RBFOX1: variants seen among roughly 807,000 people sequenced by gnomAD.
RBFOX1 encodes RNA binding protein fox-1 homolog 1.
RBFOX1 carries 8 observed loss-of-function variants against 57.7 expected under a neutral mutation model. The ratio of observed to expected loss-of-function variants is 0.14; its 90% CI spans 0.08 to 0.25. The LOEUF (loss-of-function observed/expected upper bound fraction) is 0.25. RBFOX1 is among the 10% of genes least tolerant of loss of function. RBFOX1 has a pLI of 1.00. For synonymous variants in RBFOX1, 326 were observed against 222.4 expected, an observed-to-expected ratio of 1.47 and a Z score of -4.15; for missense variants, 611 against 548.5, an observed-to-expected ratio of 1.11 and a Z score of -1.14.
chr16:7,326,015 G>A lies in RBFOX1; in HGVS notation c.28-192132G>A, dbSNP rs144102311. Reference sequence around the variant, plus strand: ...CTTGATGACTCAGCAGGTATTACAGGCATGTAGGGAAACCTGACTCTTGGT... The same window carrying A: ...CTTGATGACTCAGCAGGTATTACAGACATGTAGGGAAACCTGACTCTTGGT... On this transcript the variant is annotated intron_variant, in intron 4 of 15. Coordinates refer to ENST00000550418, the MANE Select transcript of RBFOX1 (RefSeq NM_018723.4). 4.0e-3 allele frequency among the ~76,000 whole-genome samples: 611 copies of A among 152,220 alleles called. 5 individuals are homozygous for A. Among genetic ancestry groups the A allele is most frequent in the Non-Finnish European group, 3.1e-3 (210 of 68,012 alleles).
At chr16:6,383,591 G>A (rs902346108) in intron 2 of RBFOX1, among the ~76,000 whole-genome samples, 6 of 152,066 alleles carry the variant, frequency 3.9e-5, no homozygotes, top group African/African-American at 1.2e-4. Flanking sequence ...TGGCCAACAT[G>A]GTGAAACCCC....
At chr16:6,158,772 A>G (rs187903125) in intron 1 of RBFOX1, among the ~76,000 whole-genome samples, 5 of 152,280 alleles carry the variant, frequency 3.3e-5, no homozygotes, top group Admixed American at 6.5e-5. Flanking sequence ...GTTCTCTACA[A>G]TTATATTGCT....
chr16:5,872,013 G>A (rs887194948), intron 4 of RBFOX1, among the ~76,000 whole-genome samples: 1 of 152,134 alleles, frequency 6.6e-6, no homozygotes, highest in Non-Finnish European at 1.5e-5. Flanking sequence ...CTTCCAAAAG[G>A]AAACTTTATC....
At chr16:7,227,819 G>C (rs1321611595) in intron 4 of RBFOX1, among the ~76,000 whole-genome samples, 1 of 152,220 alleles carries the variant, frequency 6.6e-6, no homozygotes, top group Non-Finnish European at 1.5e-5. Flanking sequence ...AGCTGCATGT[G>C]TGGGTAAGCC....
In RBFOX1 at chr16:6,815,358, G is replaced by C. The variant is rs368584072; in HGVS notation, c.-16+160708G>C. On this transcript the variant is annotated intron_variant, in intron 3 of 15. Coordinates refer to ENST00000550418, the MANE Select transcript of RBFOX1 (RefSeq NM_018723.4). ...AACTCCTGTCTCATCCTGTGACTAA[G>C]ATTGCCTAACCTTCTGGGAATGCAG... Among the ~76,000 whole-genome samples, 21 of 152,222 alleles carry C rather than the reference G, an allele frequency of 1.4e-4. No homozygotes were observed. The East Asian group carries it at 3.9e-3, about 28-fold the overall frequency.
intron 3 of RBFOX1, among the ~76,000 whole-genome samples, chr16:6,727,988 T>C (rs80154543): frequency 0.033 from 5,070 of 152,296 alleles, 222 homozygotes; most frequent in African/African-American, 0.1. Context: ...TTAAATTCCC[T>C]ATCTGTAAAT....
rs1001970561 is a variant in RBFOX1 at position 6,110,360 on chromosome 16, G to C, written c.-127+90368G>C. On this transcript the variant is annotated intron_variant, in intron 1 of 15. Coordinates refer to ENST00000550418, the MANE Select transcript of RBFOX1 (RefSeq NM_018723.4). ...GCTAGAGAATAGCACAGAATTCTAG[G>C]TAGGCACTGAAAAAATTATAAAATA... is the stretch of plus-strand genomic sequence containing the variant. 4.6e-5 allele frequency among the ~76,000 whole-genome samples: 7 copies of C among 151,934 alleles called. No individual in the cohort carries two copies. The East Asian group carries it at 1.4e-3, about 29-fold the overall frequency.
At position 5,896,021 on chromosome 16, in the gene RBFOX1, G is replaced by A. The variant is rs150265714; in HGVS notation, c.351+28686G>A. Among the ~76,000 whole-genome samples, 22 of 152,274 alleles carry A rather than the reference G, an allele frequency of 1.4e-4. 1 individual carries two copies. Among genetic ancestry groups the A allele is most frequent in the East Asian group, 9.6e-4 (5 of 5,182 alleles). ...CTTGGTGTAAAATGTTCTGTCTTAC[G>A]TTGGGTACTTCAGATGCCGAGCCTG... On this transcript the variant is annotated intron_variant, in intron 4 of 19. Coordinates refer to the RBFOX1 transcript ENST00000641259.
At chr16:6,169,310 T>C (rs1393625015) in intron 1 of RBFOX1, among the ~76,000 whole-genome samples, 1 of 152,104 alleles carries the variant, frequency 6.6e-6, no homozygotes, top group African/African-American at 2.4e-5. Context: ...ATTAATGCAC[T>C]TTGTTATCAC....
At chr16:6,071,627 A>C (rs572209900) in intron 1 of RBFOX1, among the ~76,000 whole-genome samples, 43 of 152,348 alleles carry the variant, frequency 2.8e-4, no homozygotes, top group African/African-American at 9.9e-4. Flanking sequence ...CGATTAACAC[A>C]TTTTAAGGGC....
intron 1 of RBFOX1, among the ~76,000 whole-genome samples, chr16:6,296,859 C>T (rs932838560): frequency 6.6e-6 from 1 of 152,246 alleles, no homozygotes; most frequent in Non-Finnish European, 1.5e-5. Context: ...GTTCTTGGAT[C>T]TTGTGCAAGA....
intron 3 of RBFOX1, among the ~76,000 whole-genome samples, chr16:6,947,879 C>T (rs868016573): frequency 3.3e-5 from 5 of 152,124 alleles, no homozygotes; most frequent in African/African-American, 4.8e-5. Context: ...TGGGTTCAAG[C>T]GTTTCTCCTG....
intron 2 of RBFOX1, among the ~76,000 whole-genome samples, chr16:5,509,701 T>A (rs1468798733): frequency 6.6e-6 from 1 of 151,978 alleles, no homozygotes; most frequent in Non-Finnish European, 1.5e-5. Context: ...GGAGAGCTGA[T>A]GGAGGAGGGA....
chr16:7,600,047 C>G (rs1000451071), intron 9 of RBFOX1, among the ~76,000 whole-genome samples: 4 of 152,160 alleles, frequency 2.6e-5, no homozygotes, highest in Non-Finnish European at 5.9e-5. Context: ...TGGCAACCAA[C>G]TACAATAACA....
At chr16:5,344,943 C>G (rs1212740044) in intron 1 of RBFOX1, among the ~76,000 whole-genome samples, 1 of 152,174 alleles carries the variant, frequency 6.6e-6, no homozygotes, top group African/African-American at 2.4e-5. Flanking sequence ...CAGGTCCCAC[C>G]TTGTAAAATT....
intron 1 of RBFOX1, among the ~76,000 whole-genome samples, chr16:6,103,462 G>C (rs1049497583): frequency 6.6e-6 from 1 of 152,042 alleles, no homozygotes. Flanking sequence ...TTGTCAGTCA[G>C]GCTAGGTTGA....
chr16:7,120,518 G>A (rs2151788611), intron 4 of RBFOX1, among the ~76,000 whole-genome samples: 1 of 151,958 alleles, frequency 6.6e-6, no homozygotes, highest in South Asian at 2.1e-4. Context: ...CTATGCACAT[G>A]TAGTCAACAA....
At chr16:5,542,678 G>C (rs1398616149) in intron 2 of RBFOX1, among the ~76,000 whole-genome samples, 1 of 152,148 alleles carries the variant, frequency 6.6e-6, no homozygotes, top group Non-Finnish European at 1.5e-5. Flanking sequence ...AGAGATGCAT[G>C]GAGTTTTAGC....
At chr16:7,650,826 G>A (rs760865827) in intron 11 of RBFOX1, among the ~76,000 whole-genome samples, 4 of 152,262 alleles carry the variant, frequency 2.6e-5, no homozygotes, top group Non-Finnish European at 5.9e-5. Context: ...GTTGAACTGT[G>A]GCAAGACAGA....
Sources: gnomAD v4.1 joint callset for allele counts (sites outside exome capture counted in the v4.1 genomes callset) on GRCh38, gnomAD v4.1.1 for gene constraint, MANE v1.5 for transcripts, NCBI Gene and HGNC (gene_info 2026-07-23, HGNC 2026-07-21) for gene names.